Variants in SLC8A1 observed in about 807,000 individuals in gnomAD.
The protein encoded by SLC8A1 is sodium/calcium exchanger 1.
Under a neutral mutation model 68.3 loss-of-function variants are expected in SLC8A1, and 18 were observed. The observed-to-expected ratio is 0.26, with a 90% confidence interval of 0.18 to 0.39. The LOEUF is 0.39. Ranked by LOEUF, SLC8A1 falls within the 10% of genes least tolerant of loss-of-function variation. The probability of loss-of-function intolerance (pLI) is 1.00; values close to 1 mark genes in which losing one functional copy is unlikely to be tolerated. For missense variants in SLC8A1, 985 were observed against 1,156.7 expected, an observed-to-expected ratio of 0.85 and a Z score of 2.15; for synonymous variants, 475 against 415.5, an observed-to-expected ratio of 1.14 and a Z score of -1.74.
At chr2:40,235,130 G>T (rs1182376818) in intron 2 of SLC8A1, among the ~76,000 whole-genome samples, 1 of 152,050 alleles carries the variant, frequency 6.6e-6, no homozygotes, top group Non-Finnish European at 1.5e-5. Flanking sequence ...AGTTAGGGAG[G>T]ATTCCCTCTT....
chr2:40,282,372 C>CA (rs2067653387), intron 2 of SLC8A1, among the ~76,000 whole-genome samples: 1 of 152,154 alleles, frequency 6.6e-6, no homozygotes, highest in African/African-American at 2.4e-5. Flanking sequence ...TTTTCACACT[C>CA]AGCAAGGGTA....
intron 2 of SLC8A1, among the ~76,000 whole-genome samples, chr2:40,342,113 T>G (rs994176328): frequency 2.6e-5 from 4 of 152,156 alleles, no homozygotes; most frequent in Admixed American, 6.5e-5. Context: ...AAGTTTCTTG[T>G]TAACCTAGTG....
intron 7 of SLC8A1, among the ~76,000 whole-genome samples, chr2:40,126,589 C>T (rs904485339): frequency 6.6e-6 from 1 of 152,068 alleles, no homozygotes; most frequent in Non-Finnish European, 1.5e-5. Context: ...TTTTCAGTTT[C>T]TGGGACTAGA....
At chr2:40,118,523 G>A (rs1300086557) in intron 7 of SLC8A1, 1 of 149,272 alleles carries the variant, frequency 6.7e-6, no homozygotes, top group Non-Finnish European at 1.5e-5. Context: ...AAAGCAAAGC[G>A]AGACAAATCT....
intron 2 of SLC8A1, among the ~76,000 whole-genome samples, chr2:40,256,928 A>T (rs1429243010): frequency 6.6e-6 from 1 of 152,138 alleles, no homozygotes; most frequent in African/African-American, 2.4e-5. Context: ...GCTTCCCTTT[A>T]GAACAGTAGG....
chr2:40,301,899 A>G (rs1433422166), intron 2 of SLC8A1, among the ~76,000 whole-genome samples: 2 of 151,794 alleles, frequency 1.3e-5, no homozygotes, highest in Admixed American at 6.6e-5. Flanking sequence ...GTCTTGCTCT[A>G]TTGCCCACGC....
exon 8 of SLC8A1, chr2:40,104,875 T>G (rs530665333): frequency 3.9e-5 from 6 of 152,296 alleles, no homozygotes; most frequent in Admixed American, 2.6e-4. Flanking sequence ...TGCTTTTTTT[T>G]TGGTTTGATT....
At chr2:40,231,682 T>C (rs2059667686) in intron 2 of SLC8A1, among the ~76,000 whole-genome samples, 1 of 152,106 alleles carries the variant, frequency 6.6e-6, no homozygotes, top group Non-Finnish European at 1.5e-5. Flanking sequence ...CTCTCATCTC[T>C]TTCACATAAA....
exon 8 of SLC8A1, chr2:40,102,677 C>T (rs2033967857): frequency 6.6e-6 from 1 of 152,108 alleles, no homozygotes; most frequent in South Asian, 2.1e-4. Context: ...TAAACAAGCA[C>T]CTGCCACTGA....
intron 1 of SLC8A1, among the ~76,000 whole-genome samples, chr2:40,509,893 C>T (rs1706608350): frequency 6.6e-6 from 1 of 151,944 alleles, no homozygotes; most frequent in Non-Finnish European, 1.5e-5. Flanking sequence ...TCAAAGCAAT[C>T]TCTGCCTCCC....
At chr2:40,154,734 A>G (rs1290455264) in intron 6 of SLC8A1, among the ~76,000 whole-genome samples, 4 of 152,032 alleles carry the variant, frequency 2.6e-5, no homozygotes, top group African/African-American at 9.7e-5. Flanking sequence ...GTGCAATCAC[A>G]GCTCACTGCA....
chr2:40,139,298 T>C, intron 7 of SLC8A1, 103 bp downstream of exon 10: 2 of 1,300,428 alleles, frequency 1.5e-6, no homozygotes, highest in South Asian at 1.4e-5. Flanking sequence ...CTTTCATAGG[T>C]CTTGGTTTGT....
At chr2:40,182,493 AAAAAG>A (rs2049799783) in intron 2 of SLC8A1, among the ~76,000 whole-genome samples, 2 of 151,946 alleles carry the variant, frequency 1.3e-5, no homozygotes, top group African/African-American at 4.8e-5. Context: ...TAAAAAAAAG[AAAAAG>A]AAAAAAACAT....
intron 2 of SLC8A1, among the ~76,000 whole-genome samples, chr2:40,355,750 G>C (rs1479832730): frequency 1.3e-5 from 2 of 152,122 alleles, no homozygotes; most frequent in Admixed American, 1.3e-4. Context: ...TCGAATGTCA[G>C]TATAAACTCA....
At chr2:40,286,669 C>T (rs1484702022) in intron 2 of SLC8A1, among the ~76,000 whole-genome samples, 1 of 152,196 alleles carries the variant, frequency 6.6e-6, no homozygotes, top group Non-Finnish European at 1.5e-5. Flanking sequence ...TGATGACTTT[C>T]TCCATGGTCC....
intron 1 of SLC8A1, among the ~76,000 whole-genome samples, chr2:40,480,532 T>G (rs1327466079): frequency 6.6e-6 from 1 of 152,222 alleles, no homozygotes; most frequent in East Asian, 1.9e-4. Context: ...CTGTGAGGAA[T>G]AAGTTTTGAT....
intron 2 of SLC8A1, among the ~76,000 whole-genome samples, chr2:40,248,951 A>T (rs1558945982): frequency 6.6e-6 from 1 of 152,176 alleles, no homozygotes; most frequent in Admixed American, 6.5e-5. Context: ...TTTTAATTTG[A>T]TTCCACATCA....
chr2:40,222,157 G>T (rs148753108), intron 2 of SLC8A1, among the ~76,000 whole-genome samples: 2,541 of 152,060 alleles, frequency 0.017, 79 homozygotes, highest in African/African-American at 0.058. Context: ...GCATGGTACT[G>T]GTACCAAATT....
intron 2 of SLC8A1, among the ~76,000 whole-genome samples, chr2:40,263,550 A>C (rs565763052): frequency 6.6e-6 from 1 of 152,290 alleles, no homozygotes; most frequent in South Asian, 2.1e-4. Context: ...ATAATGCCAC[A>C]GATCTACAAC....
Sources: allele counts gnomAD v4.1 joint callset (sites outside exome capture counted in the v4.1 genomes callset), GRCh38; gene constraint gnomAD v4.1.1; transcripts MANE v1.5; gene names NCBI Gene and HGNC (gene_info 2026-07-23, HGNC 2026-07-21).